The following TEAD1 variants were observed in gnomAD, a reference collection of about 807,000 sequenced individuals.
The protein encoded by TEAD1 is TEA domain transcription factor 1.
TEAD1 carries 9 observed loss-of-function variants against 54.9 expected under a neutral mutation model. The ratio of observed to expected loss-of-function variants is 0.16; its 90% CI spans 0.10 to 0.29. TEAD1 has a LOEUF of 0.29. Among genes scored for constraint, TEAD1 ranks in the 10% least tolerant of loss-of-function variants. TEAD1 has a pLI of 1.00. For synonymous variants in TEAD1, 200 were observed against 187.8 expected, an observed-to-expected ratio of 1.07 and a Z score of -0.53; for missense variants, 387 against 535.9, an observed-to-expected ratio of 0.72 and a Z score of 2.74.
chr11:12,879,633 C>G, intron 5 of TEAD1, 75 bp from the exon 6 acceptor site: 3 of 1,590,264 alleles, frequency 1.9e-6, no homozygotes, highest in Non-Finnish European at 2.6e-6. Flanking sequence ...TCCATGTGCT[C>G]GTGGCTGTGC....
intron 3 of TEAD1, among the ~76,000 whole-genome samples, chr11:12,858,378 A>C (rs1947434686): frequency 6.6e-6 from 1 of 152,212 alleles, no homozygotes; most frequent in Admixed American, 6.5e-5. Context: ...TTGATATTTC[A>C]AGTAATTAAA....
At chr11:12,908,883 G>GGTTTTT (rs1554948598) in intron 10 of TEAD1, among the ~76,000 whole-genome samples, 3 of 99,662 alleles carry the variant, frequency 3.0e-5, no homozygotes, top group Non-Finnish European at 4.6e-5. Context: ...CAAATTATCT[G>GGTTTTT]TTTTTTTTTT....
intron 3 of TEAD1, among the ~76,000 whole-genome samples, chr11:12,854,491 G>A (rs1197021075): frequency 1.3e-5 from 2 of 152,176 alleles, no homozygotes; most frequent in African/African-American, 2.4e-5. Flanking sequence ...AGAGGCGTAG[G>A]TTCCTGTGAG....
At chr11:12,863,351 G>A (rs1261880903) in intron 4 of TEAD1, among the ~76,000 whole-genome samples, 1 of 152,210 alleles carries the variant, frequency 6.6e-6, no homozygotes, top group African/African-American at 2.4e-5. Flanking sequence ...TTGTCTGTTT[G>A]GGGGATGCTA....
intron 5 of TEAD1, among the ~76,000 whole-genome samples, chr11:12,868,247 A>T (rs1201133270): frequency 6.6e-6 from 1 of 152,176 alleles, no homozygotes; most frequent in Non-Finnish European, 1.5e-5. Flanking sequence ...CATGTTTTGA[A>T]TTGAAGCTTA....
chr11:12,688,547 G>C (rs1305032722), intron 2 of TEAD1, among the ~76,000 whole-genome samples: 2 of 152,170 alleles, frequency 1.3e-5, no homozygotes, highest in African/African-American at 2.4e-5. Flanking sequence ...AGGTGGTTCT[G>C]TTGGCTGTTT....
intron 2 of TEAD1, among the ~76,000 whole-genome samples, chr11:12,756,831 G>A (rs1944991396): frequency 6.6e-6 from 1 of 152,178 alleles, no homozygotes; most frequent in African/African-American, 2.4e-5. Flanking sequence ...GAAGTGCAGC[G>A]ATTAAATAAG....
chr11:12,682,083 C>T (rs150511908), intron 2 of TEAD1, among the ~76,000 whole-genome samples: 1 of 152,310 alleles, frequency 6.6e-6, no homozygotes, highest in Non-Finnish European at 1.5e-5. Context: ...AACATCCGCT[C>T]CTGGCTGGGA....
Position 12,836,904 on chromosome 11 carries a change from G to A in TEAD1, c.203-25346G>A, listed in dbSNP as rs537719633. 2.6e-5 allele frequency among the ~76,000 whole-genome samples: 4 copies of A among 152,296 alleles called. No homozygotes were observed. In the South Asian group the frequency reaches 6.2e-4, roughly 24 times the overall value. ...TTTTTCTTTGGCAAAGATCACCTTTGGAAAGTGTTGTATTATGAAATGCAG... is the reference window on the plus strand; with the variant it reads ...TTTTTCTTTGGCAAAGATCACCTTTAGAAAGTGTTGTATTATGAAATGCAG... On this transcript the variant is annotated intron_variant, in intron 3 of 12. Coordinates refer to ENST00000527636, the MANE Select transcript of TEAD1 (RefSeq NM_021961.6).
At chr11:12,727,854 T>G (rs760519389) in intron 2 of TEAD1, among the ~76,000 whole-genome samples, 2 of 152,196 alleles carry the variant, frequency 1.3e-5, no homozygotes, top group Non-Finnish European at 2.9e-5. Context: ...TTGTTCCTTG[T>G]TTTGTTTAGT....
intron 3 of TEAD1, among the ~76,000 whole-genome samples, chr11:12,857,950 G>T (rs910376973): frequency 6.6e-6 from 1 of 152,122 alleles, no homozygotes; most frequent in African/African-American, 2.4e-5. Flanking sequence ...GTCTGGTATG[G>T]TGGAGCAGGC....
In TEAD1 at chr11:12,687,797, G is replaced by A. The variant is rs551537006; in HGVS notation, c.-55+12236G>A. Among the ~76,000 whole-genome samples the A allele has an allele frequency of 6.6e-5, 10 of 152,236 alleles. No homozygotes were observed. In the South Asian group the frequency reaches 8.3e-4, roughly 13 times the overall value. On this transcript the variant is annotated intron_variant, in intron 2 of 12. Transcript: ENST00000527636. ...CCTGCCCCATTCACCTCTCCCCTGT[G>A]GTTTCAGTCCTCCAGGACTGTGGGG...
intron 3 of TEAD1, among the ~76,000 whole-genome samples, chr11:12,783,562 G>C (rs965467724): frequency 3.9e-5 from 6 of 152,118 alleles, no homozygotes; most frequent in Non-Finnish European, 5.9e-5. Flanking sequence ...GAAACCTGGT[G>C]AGTTGCTTCT....
chr11:12,731,894 T>C (rs1197067154), intron 2 of TEAD1, among the ~76,000 whole-genome samples: 1 of 152,184 alleles, frequency 6.6e-6, no homozygotes. Flanking sequence ...ACCATTTATC[T>C]CTCTACAGTC....
intron 2 of TEAD1, among the ~76,000 whole-genome samples, chr11:12,750,904 T>C (rs1004737233): frequency 6.6e-6 from 1 of 152,232 alleles, no homozygotes; most frequent in Non-Finnish European, 1.5e-5. Context: ...AGGTGACATA[T>C]TTATTCACCT....
chr11:12,882,087 A>T (rs1324172905), intron 8 of TEAD1, 130 bp downstream of exon 8: 1 of 962,388 alleles, frequency 1.0e-6, no homozygotes, highest in East Asian at 2.5e-5. Context: ...GACTTGCAGG[A>T]TCCTTGGGTA....
chr11:12,865,101 GTGTT>G, intron 5 of TEAD1: 2 of 655,586 alleles, frequency 3.1e-6, no homozygotes, highest in Admixed American at 4.3e-5. Flanking sequence ...GCGCGTGTGT[GTGTT>G]TGCGTGTGTG....
Position 12,675,358 on chromosome 11 carries a change from CCTT to C in TEAD1, c.-207-45_-207-43del, listed in dbSNP as rs985549062. On this transcript the variant is annotated intron_variant, in intron 1 of 12. Transcript: ENST00000527636. Reference sequence around the variant, plus strand: ...TTGTGCCGCTGGCGGGGGGTTCGCTCCTTCTTCTCAAAGATGAAAAAGGGCACG... The same window carrying C: ...TTGTGCCGCTGGCGGGGGGTTCGCTCCTTCTCAAAGATGAAAAAGGGCACG... The C allele has an allele frequency of 4.6e-5, 7 of 152,266 alleles. 1 individual carries two copies. Among genetic ancestry groups the C allele is most frequent in the African/African-American group, 1.4e-4 (6 of 41,410 alleles). The allele number at this position is 152,266 out of a possible 1,614,324, so 9.4% of individuals were successfully genotyped here.
intron 3 of TEAD1, among the ~76,000 whole-genome samples, chr11:12,848,576 C>T (rs1308940005): frequency 6.6e-6 from 1 of 152,104 alleles, no homozygotes; most frequent in Non-Finnish European, 1.5e-5. Flanking sequence ...CTTCTTTGAA[C>T]TGCAGTTTCA....
Sources: allele counts gnomAD v4.1 joint callset (sites outside exome capture counted in the v4.1 genomes callset), GRCh38; gene constraint gnomAD v4.1.1; transcripts MANE v1.5; gene names NCBI Gene and HGNC (gene_info 2026-07-23, HGNC 2026-07-21).